TUBGCP2: variants seen among roughly 807,000 people sequenced by gnomAD.
The protein encoded by TUBGCP2 is tubulin gamma complex component 2.
A neutral mutation model predicts 92.2 loss-of-function variants in TUBGCP2; 55 were observed. The observed-to-expected ratio is 0.60, with a 90% confidence interval of 0.48 to 0.75. TUBGCP2 has a LOEUF of 0.75. TUBGCP2 is among the 30% of genes least tolerant of loss of function. The pLI, the probability that TUBGCP2 is intolerant of heterozygous loss-of-function variation, is 0.00. For missense variants in TUBGCP2, 1,093 were observed against 1,188.9 expected, an observed-to-expected ratio of 0.92 and a Z score of 1.19; for synonymous variants, 533 against 505.2, an observed-to-expected ratio of 1.06 and a Z score of -0.74.
chr10:133,282,218 C>G lies in TUBGCP2; in HGVS notation c.2409+5G>C. ...TCTCTCTGGCCAAACCTGGAGGCCA[C>G]GCACCTTCCTGGCGAGCTCCTTCCG... On this transcript the variant is annotated splice_donor_5th_base_variant and intron_variant, in intron 16 of 17. Coordinates refer to ENST00000252936, the MANE Select transcript of TUBGCP2 (RefSeq NM_006659.4). The G allele has an allele frequency of 3.7e-6, 6 of 1,611,740 alleles. No homozygotes were observed. Among genetic ancestry groups the G allele is most frequent in the Non-Finnish European group, 5.1e-6 (6 of 1,179,742 alleles).
chr10:133,298,340 G>A (rs11101683), intron 4 of TUBGCP2, among the ~76,000 whole-genome samples: 6,771 of 151,384 alleles, frequency 0.045, 380 homozygotes, highest in African/African-American at 0.13. Flanking sequence ...CTCTTCTCAG[G>A]AGTGCAGGTC....
At chr10:133,281,493 G>A in intron 16 of TUBGCP2, 57 bp from the exon 17 acceptor site, 9 of 1,587,774 alleles carry the variant, frequency 5.7e-6, no homozygotes, top group Non-Finnish European at 7.7e-6. Flanking sequence ...GGCCTTCTTG[G>A]CTCCACACTG....
chr10:133,288,917 G>T lies in TUBGCP2; in HGVS notation c.1464C>A (p.Ile488=). 1 of 1,614,206 alleles carries T rather than the reference G, an allele frequency of 6.2e-7. No homozygotes were observed. The highest frequency in any genetic ancestry group is 8.5e-7 in the Non-Finnish European group (1 of 1,180,032). Residue 488 remains isoleucine, a synonymous_variant, in exon 10 of 18, where the codon ATC becomes ATA. Coordinates refer to ENST00000252936, the MANE Select transcript of TUBGCP2 (RefSeq NM_006659.4). ...TLKERAYVEQ[I]EKAFNYASKV... ...TGCTGGCGTAGTTAAACGCCTTCTC[G>T]ATCTGCTCCACATACGCCCGCTCTT...
chr10:133,285,200 G>T lies in TUBGCP2; in HGVS notation c.1909C>A (p.Arg637Ser). Residue 637 changes from arginine (R) to serine (S), a missense_variant, in exon 13 of 18, where the codon CGC (arginine) becomes AGC (serine). Arg to Ser is a moderately radical substitution (Grantham distance 110, BLOSUM62 -1). Coordinates refer to ENST00000252936, the MANE Select transcript of TUBGCP2 (RefSeq NM_006659.4). This position sits in a 1 kb window ranked among gnomAD's most constrained non-coding sequence, Gnocchi z 6.8. ...SLIINRKALT[R>S]YQMLFRHMFY... ...ATGTGCCTGAAGAGCATCTGGTAGCGAGTGAGGGCTTTCCTGCAAGAGACG... is the reference window on the plus strand; with the variant it reads ...ATGTGCCTGAAGAGCATCTGGTAGCTAGTGAGGGCTTTCCTGCAAGAGACG... 6.2e-7 allele frequency: 1 copy of T among 1,612,704 alleles called. No individual in the cohort carries two copies. The highest frequency in any genetic ancestry group is 8.5e-7 in the Non-Finnish European group (1 of 1,179,996).
Position 133,281,353 on chromosome 10 carries a change from G to A in TUBGCP2, c.2493C>T (p.Ala831=). 2 of 1,613,860 alleles carry A rather than the reference G, an allele frequency of 1.2e-6. No homozygotes were observed. Among genetic ancestry groups the A allele is most frequent in the South Asian group, 1.1e-5 (1 of 91,072 alleles). The part of the protein sequence containing the change: ...TINKFDKNFS[A]HLLDLLARLS... The stretch of plus-strand genomic sequence containing the variant: ...GCCGGGCCAGGAGGTCCAGCAGGTG[G>A]GCTGAGAAGTTCTTGTCAAACTTGT... Residue 831 remains alanine, a synonymous_variant, in exon 17 of 18, where the codon GCC becomes GCT. Coordinates refer to ENST00000252936, the MANE Select transcript of TUBGCP2 (RefSeq NM_006659.4).
At chr10:133,291,331 A>G (rs112378392) in intron 8 of TUBGCP2, among the ~76,000 whole-genome samples, 6,231 of 13,950 alleles carry the variant, frequency 0.45, 2,174 homozygotes, top group East Asian at 0.84. Context: ...GGCAGCATGC[A>G]CCGTCCGTGT....
At chr10:133,303,577 T>C (rs1047958708) in intron 1 of TUBGCP2, among the ~76,000 whole-genome samples, 4 of 152,170 alleles carry the variant, frequency 2.6e-5, no homozygotes, top group Admixed American at 6.5e-5. Flanking sequence ...GCCCAAGCCA[T>C]TGACACTGTG....
In TUBGCP2 at chr10:133,292,542, G is replaced by A. The variant is rs769957160; in HGVS notation, c.1171C>T (p.Leu391=). 69 of 1,613,862 alleles carry A rather than the reference G, an allele frequency of 4.3e-5. No individual in the cohort carries two copies. Among genetic ancestry groups the A allele is most frequent in the Non-Finnish European group, 5.8e-5 (68 of 1,179,926 alleles). The part of the protein sequence containing the change: ...KAASAPYFEV[L]EKWIYRGIIH... ...ATGCCCCTGTAGATCCACTTCTCCA[G>A]AACCTCGAAGTAGGGAGCACTGGCC... The change falls in exon 8 of 18, where the codon CTG becomes TTG. Residue 391 remains leucine, a synonymous_variant. Coordinates refer to ENST00000252936, the MANE Select transcript of TUBGCP2 (RefSeq NM_006659.4).
intron 5 of TUBGCP2, among the ~76,000 whole-genome samples, chr10:133,294,720 A>C (rs1235456664): frequency 6.6e-6 from 1 of 151,926 alleles, no homozygotes; most frequent in African/African-American, 2.4e-5. Flanking sequence ...GGCTCAAGCG[A>C]TCCTGTATCC....
intron 8 of TUBGCP2, among the ~76,000 whole-genome samples, chr10:133,291,311 TACGGGAGAGGGCAGC>T: frequency 2.6e-5 from 2 of 77,118 alleles, no homozygotes; most frequent in Admixed American, 1.4e-4. Context: ...GCCCTACCTG[TACGGGAGAGGGCAGC>T]ATGCACCGTC....
rs1323041944 is a variant in TUBGCP2, at chr10:133,283,926, C to T, written c.2101G>A (p.Val701Met). ...AGGATGTGCCAGGTCGGTTCCATCACTTCAAACATCATGTAGTATTGAATA... is the reference window on the plus strand; with the variant it reads ...AGGATGTGCCAGGTCGGTTCCATCATTTCAAACATCATGTAGTATTGAATA... ...QNIQYYMMFE[V>M]MEPTWHILEK... The change falls in exon 14 of 18, where the codon GTG (valine) becomes ATG (methionine). Residue 701 changes from valine (V) to methionine (M), a missense_variant. Coordinates refer to ENST00000252936, the MANE Select transcript of TUBGCP2 (RefSeq NM_006659.4). 2 of 1,614,094 alleles carry T rather than the reference C, an allele frequency of 1.2e-6. No homozygotes were observed. The highest frequency in any genetic ancestry group is 1.7e-6 in the Non-Finnish European group (2 of 1,180,034).
At chr10:133,297,845 C>A (rs757180331) in intron 5 of TUBGCP2, 107 bp downstream of exon 5, 14 of 1,516,140 alleles carry the variant, frequency 9.2e-6, no homozygotes, top group Non-Finnish European at 1.2e-5. Flanking sequence ...TGCAAAGTGT[C>A]CTGCCCAGAG....
chr10:133,293,112 G>A lies in TUBGCP2; in HGVS notation c.951C>T (p.Gly317=), dbSNP rs1385452878. Residue 317 remains glycine (G), a synonymous_variant, in exon 7 of 18, where the codon GGC becomes GGT. Coordinates refer to ENST00000252936, the MANE Select transcript of TUBGCP2 (RefSeq NM_006659.4). The part of the protein sequence containing the change: ...VSQLEQLHRQ[G]LLSLQKLWFY... The stretch of plus-strand genomic sequence containing the variant: ...ACCAGAGCTTCTGCAGCGAAAGGAG[G>A]CCCTGCCTGTGCAGCTGCTCCAGCT... 1 of 1,613,832 alleles carries A rather than the reference G, an allele frequency of 6.2e-7. No individual in the cohort carries two copies. The highest frequency in any genetic ancestry group is 2.2e-5 in the East Asian group (1 of 44,884).
chr10:133,291,228 C>T (rs1225149495), intron 8 of TUBGCP2, among the ~76,000 whole-genome samples: 6 of 149,206 alleles, frequency 4.0e-5, no homozygotes, highest in South Asian at 2.1e-4. Context: ...CCAGAGAGGG[C>T]AGCACGCGCC....
At chr10:133,286,979 G>A (rs953243011) in intron 11 of TUBGCP2, among the ~76,000 whole-genome samples, 7 of 152,180 alleles carry the variant, frequency 4.6e-5, no homozygotes, top group African/African-American at 1.2e-4. Context: ...AAAGATGACA[G>A]AAGAGAGAAA....
intron 17 of TUBGCP2, among the ~76,000 whole-genome samples, chr10:133,280,674 A>G (rs1322381382): frequency 6.6e-6 from 1 of 152,232 alleles, no homozygotes; most frequent in Non-Finnish European, 1.5e-5. Context: ...CACTAGCACC[A>G]GGACACAGAC....
In TUBGCP2 at chr10:133,293,061, G is replaced by A; in HGVS notation, c.1002C>T (p.Thr334=). Residue 334 remains threonine (T), a synonymous_variant, in exon 7 of 18, where the codon ACC becomes ACT. Coordinates refer to ENST00000252936, the MANE Select transcript of TUBGCP2 (RefSeq NM_006659.4). ...LWFYIQPAMR[T]MDILASLATS... The stretch of plus-strand genomic sequence containing the variant: ...CACCGAGGGAGGCCAGGATGTCCAT[G>A]GTGCGCATGGCTGGCTGGATGTAGA... The A allele has an allele frequency of 6.2e-7, 1 of 1,613,422 alleles. No individual in the cohort carries two copies. Among genetic ancestry groups the A allele is most frequent in the Non-Finnish European group, 8.5e-7 (1 of 1,179,998 alleles).
intron 1 of TUBGCP2, among the ~76,000 whole-genome samples, chr10:133,304,628 G>A (rs532836253): frequency 6.6e-5 from 10 of 152,200 alleles, no homozygotes; most frequent in Admixed American, 2.0e-4. Context: ...GCAAGAGACC[G>A]AGGGCACGAG....
Position 133,288,258 on chromosome 10 carries a change from G to A in TUBGCP2, c.1593C>T (p.Phe531=). 1 of 1,613,732 alleles carries A rather than the reference G, an allele frequency of 6.2e-7. No individual in the cohort carries two copies. The highest frequency in any genetic ancestry group is 8.5e-7 in the Non-Finnish European group (1 of 1,179,960). ...LMDQGDFFVH[F]MDLAEEELRK... ...GGAGCTCCTCCTCCGCGAGGTCCAT[G>A]AAGTGCACGAAGAAGTCGCCCTGGT... The change falls in exon 11 of 18, where the codon TTC becomes TTT. Residue 531 remains phenylalanine, a synonymous_variant. Coordinates refer to ENST00000252936, the MANE Select transcript of TUBGCP2 (RefSeq NM_006659.4).
Sources: allele counts gnomAD v4.1 joint callset (sites outside exome capture counted in the v4.1 genomes callset), GRCh38; gene constraint gnomAD v4.1.1; non-coding constraint Gnocchi (gnomAD v3.1); transcripts MANE v1.5; gene names NCBI Gene and HGNC (gene_info 2026-07-23, HGNC 2026-07-21).